SRPRB: variants seen among roughly 807,000 people sequenced by gnomAD.
SRPRB encodes the protein SRP receptor subunit beta, also known as signal recognition particle receptor subunit beta.
SRPRB carries 20 observed loss-of-function variants against 31.9 expected under a neutral mutation model. The observed-to-expected ratio is 0.63, with a 90% CI of 0.44 to 0.91. The LOEUF is 0.91. SRPRB is among the 40% of genes least tolerant of loss of function. The pLI is 0.00. For missense variants in SRPRB, 321 were observed against 324.9 expected (o/e 0.99, Z 0.09); for synonymous variants, 146 against 132.8 (o/e 1.10, Z -0.68).
chr3:133,815,500 T>C (rs1242887609), intron 4 of SRPRB, 90 bp from the exon 5 acceptor site: 5 of 1,504,314 alleles, frequency 3.3e-6, no homozygotes, highest in Non-Finnish European at 4.6e-6. Flanking sequence ...ATCACCAAGA[T>C]TGACTTTGAA....
At chr3:133,816,763 T>C (rs1935373379) in intron 5 of SRPRB, 115 bp from the exon 6 acceptor site, 4 of 748,828 alleles carry the variant, frequency 5.3e-6, no homozygotes, top group Non-Finnish European at 6.3e-6. Context: ...AGGTCTTTTT[T>C]TAAAAAAAGA....
chr3:133,786,706 GTGGGT>G lies in SRPRB; in HGVS notation c.-174+2565_-174+2569del, dbSNP rs140209569. On this transcript the variant is annotated intron_variant, in intron 1 of 7. Coordinates refer to the SRPRB transcript ENST00000466490. ...CTGAAAATTTGAGCATTATTGCCCA[GTGGGT>G]TGATGGAGATGGGAAGGTGTAGGCC... 7.1e-3 allele frequency: 1,082 copies of G among 152,346 alleles called. 2 individuals are homozygous for G. The highest frequency in any genetic ancestry group is 0.011 in the Non-Finnish European group (739 of 68,030). The allele number at this position is 152,346 out of a possible 1,614,324, so 9.4% of individuals were successfully genotyped here.
intron 1 of SRPRB, among the ~76,000 whole-genome samples, chr3:133,798,506 T>A (rs1030799382): frequency 1.3e-5 from 2 of 152,236 alleles, no homozygotes; most frequent in African/African-American, 4.8e-5. Context: ...AGTATTTTAA[T>A]TGGAACTCTG....
chr3:133,784,832 T>A (rs865798275), intron 1 of SRPRB: 1 of 152,348 alleles, frequency 6.6e-6, no homozygotes, highest in African/African-American at 2.4e-5. Flanking sequence ...AGGACAGTTC[T>A]GTGCCACACT....
downstream of SRPRB, chr3:133,828,147 C>T (rs746130322): frequency 9.9e-6 from 6 of 606,054 alleles, no homozygotes; most frequent in Admixed American, 2.7e-5. Flanking sequence ...AGCCCACAGA[C>T]CTTGGTCTCA....
rs779981379 is a variant in SRPRB, at chr3:133,807,857, TCTTA to T, written c.327+38_327+41del. 29 of 1,542,464 alleles carry T rather than the reference TCTTA, an allele frequency of 1.9e-5. No individual in the cohort carries two copies. In the East Asian group the frequency reaches 5.9e-4, roughly 31 times the overall value. ...TTTGTGGAGTTTTGGAGTCTGACAG[TCTTA>T]CTTTACTGTGGTGTGTCAGTTAAGG... is the stretch of plus-strand genomic sequence containing the variant. On this transcript the variant is annotated intron_variant, in intron 3 of 6. Coordinates refer to ENST00000678299, the MANE Select transcript of SRPRB (RefSeq NM_001379313.1).
rs75496501 is a variant in SRPRB, at chr3:133,819,918, A to AT, written c.*172dup. On this transcript the variant is annotated 3_prime_UTR_variant, in exon 7 of 7. Transcript: ENST00000678299. ...AAAGTACTGTTGAAACCAGCTTGGAATTTTTTTTTTTTTTTTTTTTAAGTT... is the reference window on the plus strand; with the variant it reads ...AAAGTACTGTTGAAACCAGCTTGGAATTTTTTTTTTTTTTTTTTTTTAAGTT... 16,375 of 541,982 alleles carry AT rather than the reference A, an allele frequency of 0.03. 589 individuals are homozygous for AT. Among genetic ancestry groups the AT allele is most frequent in the African/African-American group, 0.16 (7,638 of 48,924 alleles). 33.6% of individuals were successfully genotyped at this position (541,982 alleles called of 1,614,324 possible).
chr3:133,799,948 T>A (rs1346396692), intron 1 of SRPRB, among the ~76,000 whole-genome samples: 1 of 152,194 alleles, frequency 6.6e-6, no homozygotes, highest in Non-Finnish European at 1.5e-5. Context: ...CACTTCCACA[T>A]GCCAGCGAGC....
chr3:133,805,770 G>A, upstream of SRPRB: 1 of 1,497,744 alleles, frequency 6.7e-7, no homozygotes, highest in African/African-American at 1.4e-5. Flanking sequence ...CACCATTCGC[G>A]TGAGGCTCTG....
chr3:133,790,056 A>C (rs1040207398), intron 1 of SRPRB: 1 of 152,160 alleles, frequency 6.6e-6, no homozygotes, highest in Non-Finnish European at 1.5e-5. Flanking sequence ...ACTTTAAAAG[A>C]TAGTGTCTAA....
intron 2 of SRPRB, 136 bp from the exon 3 acceptor site, chr3:133,807,610 A>G (rs1199464022): frequency 6.3e-6 from 4 of 632,636 alleles, no homozygotes; most frequent in South Asian, 3.9e-5. Flanking sequence ...GGTAAAAAAA[A>G]TCAATATCGT....
chr3:133,792,144 A>G (rs1934854665), intron 1 of SRPRB: 1 of 152,224 alleles, frequency 6.6e-6, no homozygotes, highest in Non-Finnish European at 1.5e-5. Context: ...GATTCTAGAT[A>G]AGGCCTGGGG....
At chr3:133,798,760 CAGGACCT>C in intron 1 of SRPRB, among the ~76,000 whole-genome samples, 1 of 152,298 alleles carries the variant, frequency 6.6e-6, no homozygotes, top group Middle Eastern at 3.4e-3. Context: ...TATACACACA[CAGGACCT>C]AGAAGGACAA....
chr3:133,815,862 T>G (rs1041995244), intron 5 of SRPRB, 136 bp downstream of exon 5: 53 of 1,106,894 alleles, frequency 4.8e-5, no homozygotes, highest in Non-Finnish European at 6.5e-5. Flanking sequence ...TTGAAGGATT[T>G]TTAATCTTAA....
intron 5 of SRPRB, 37 bp from the exon 6 acceptor site, chr3:133,816,841 T>C (rs1935374657): frequency 6.4e-7 from 1 of 1,554,840 alleles, no homozygotes; most frequent in East Asian, 2.3e-5. Context: ...AAACTCATTC[T>C]CGTTTAAACT....
chr3:133,804,258 C>A (rs1177938359), upstream of SRPRB, among the ~76,000 whole-genome samples: 1 of 152,042 alleles, frequency 6.6e-6, no homozygotes, highest in Admixed American at 6.6e-5. Context: ...GGTCCTCCCC[C>A]AGTTCCTCTC....
intron 6 of SRPRB, among the ~76,000 whole-genome samples, chr3:133,819,179 A>C (rs997742751): frequency 1.3e-5 from 2 of 152,192 alleles, no homozygotes; most frequent in African/African-American, 2.4e-5. Context: ...CTATCTACCC[A>C]CACTTAACTT....
downstream of SRPRB, chr3:133,828,540 G>A (rs1019851126): frequency 2.1e-6 from 1 of 482,692 alleles, no homozygotes. Flanking sequence ...ACAGTTTTTG[G>A]CAATCTTAAT....
At chr3:133,792,691 A>G (rs1934870720) in intron 1 of SRPRB, 1 of 152,216 alleles carries the variant, frequency 6.6e-6, no homozygotes, top group South Asian at 2.1e-4. Flanking sequence ...TTTTCAGTGA[A>G]AGATTATAAC....
Sources: allele counts gnomAD v4.1 joint callset (sites outside exome capture counted in the v4.1 genomes callset), GRCh38; gene constraint gnomAD v4.1.1; transcripts MANE v1.5; gene names NCBI Gene and HGNC (gene_info 2026-07-23, HGNC 2026-07-21).